Variants in UNC80 observed in about 807,000 individuals in gnomAD.
UNC80 encodes protein unc-80 homolog.
Under a neutral mutation model 384.6 loss-of-function variants are expected in UNC80, and 164 were observed. The ratio of observed to expected loss-of-function variants is 0.43; its 90% CI spans 0.38 to 0.49. The LOEUF (loss-of-function observed/expected upper bound fraction) is 0.49. UNC80 is among the 20% of genes least tolerant of loss of function. UNC80 has a pLI of 0.00. For missense variants in UNC80, 3,330 were observed against 4,143.0 expected (o/e 0.80, Z 5.39); for synonymous variants, 1,486 against 1,527.8 (o/e 0.97, Z 0.64).
Position 209,807,363 on chromosome 2 carries a change from CA to C in UNC80, c.939-6216del, listed in dbSNP as rs1363427258. Among the ~76,000 whole-genome samples the C allele has an allele frequency of 4.6e-3, 458 of 99,906 alleles. 2 individuals carry two copies. Among genetic ancestry groups the C allele is most frequent in the African/African-American group, 0.017 (437 of 26,378 alleles). The allele number at this position is 99,906 out of a possible 152,430, so 65.5% of individuals were successfully genotyped here. A position where few individuals can be genotyped will look rare whatever the true frequency, so the allele number is the denominator to read the frequency against. On this transcript the variant is annotated intron_variant, in intron 7 of 64. Coordinates refer to ENST00000673920, the MANE Select transcript of UNC80 (RefSeq NM_001371986.1). Reference sequence around the variant, plus strand: ...ATGATCTAAGAAGCTTCCCTCATGTCATTTTTTTTTTTTTTTTTTGAGACGG... The same window carrying C: ...ATGATCTAAGAAGCTTCCCTCATGTCTTTTTTTTTTTTTTTTTTGAGACGG...
chr2:209,930,860 C>A lies in UNC80; in HGVS notation c.5908-108C>A, dbSNP rs943938271. The A allele has an allele frequency of 5.2e-5, 35 of 675,516 alleles. No individual in the cohort carries two copies. In the East Asian group the frequency reaches 9.7e-4, roughly 19 times the overall value. 41.8% of individuals were successfully genotyped at this position (675,516 alleles called of 1,614,324 possible). A position where few individuals can be genotyped will look rare whatever the true frequency, so the allele number is the denominator to read the frequency against. ...AACATAATTGAAATCAATATGTGGG[C>A]AAAAGTAAAAAAAATCCCTCACCCA... On this transcript the variant is annotated intron_variant, in intron 37 of 64. Transcript: ENST00000673920.
intron 20 of UNC80, among the ~76,000 whole-genome samples, chr2:209,841,470 C>T (rs1366440274): frequency 6.6e-6 from 1 of 152,110 alleles, no homozygotes; most frequent in Non-Finnish European, 1.5e-5. Context: ...ATTCTCCTGC[C>T]TCAGCCTCCC....
chr2:209,861,032 C>A (rs1455859825), intron 22 of UNC80, among the ~76,000 whole-genome samples: 2 of 152,154 alleles, frequency 1.3e-5, no homozygotes, highest in Non-Finnish European at 2.9e-5. Flanking sequence ...TATTTTAATA[C>A]CCCTTATTTC....
rs1211810447 is a variant in UNC80 at position 209,939,343 on chromosome 2, T to A, written c.6466-129T>A. On this transcript the variant is annotated intron_variant, in intron 42 of 64. Coordinates refer to ENST00000673920, the MANE Select transcript of UNC80 (RefSeq NM_001371986.1). ...GATAAAAACACATGTCTCCCTCATT[T>A]CACTTTTTCCCCTTTTCCGACTTTA... The A allele has an allele frequency of 7.5e-6, 7 of 929,274 alleles. No homozygotes were observed. The East Asian group carries it at 1.9e-4, about 25-fold the overall frequency. The allele number at this position is 929,274 out of a possible 1,614,324, so 57.6% of individuals were successfully genotyped here.
chr2:209,931,932 C>T (rs1188896024), intron 38 of UNC80, among the ~76,000 whole-genome samples: 1 of 152,190 alleles, frequency 6.6e-6, no homozygotes, highest in Non-Finnish European at 1.5e-5. Flanking sequence ...TGCATAGTCT[C>T]TAGGAATTCT....
At position 209,777,544 on chromosome 2, in the gene UNC80, G is replaced by A. The variant is rs779023164; in HGVS notation, c.585G>A (p.Leu195=). The change falls in exon 4 of 65, where the codon CTG becomes CTA. Residue 195 remains leucine (L), a synonymous_variant. Transcript: ENST00000673920. ...TCTTCGTGTTTCTGTTTGCTCCCCTGGTACACAGGATCAAGGTAAGCAGAA... is the reference window on the plus strand; with the variant it reads ...TCTTCGTGTTTCTGTTTGCTCCCCTAGTACACAGGATCAAGGTAAGCAGAA... ...VELFVFLFAP[L]VHRIKESDLT... is the part of the protein sequence containing the mutation. 6 of 1,610,310 alleles carry A rather than the reference G, an allele frequency of 3.7e-6. No homozygotes were observed. The African/African-American group carries it at 4.0e-5, about 11-fold the overall frequency.
Position 209,813,570 on chromosome 2 carries a change from C to A in UNC80, c.939-10C>A. 6.5e-7 allele frequency: 1 copy of A among 1,547,052 alleles called. No homozygotes were observed. Among genetic ancestry groups the A allele is most frequent in the South Asian group, 1.2e-5 (1 of 83,892 alleles). ...GTCAGTATAATTATCTTCTTTCTGCCATGGAACAGGGCCTCTCTTGTGATA... is the reference window on the plus strand; with the variant it reads ...GTCAGTATAATTATCTTCTTTCTGCAATGGAACAGGGCCTCTCTTGTGATA... On this transcript the variant is annotated splice_polypyrimidine_tract_variant and intron_variant, in intron 7 of 64. Coordinates refer to ENST00000673920, the MANE Select transcript of UNC80 (RefSeq NM_001371986.1).
At chr2:209,931,985 G>T (rs191715720) in intron 38 of UNC80, among the ~76,000 whole-genome samples, 1 of 152,194 alleles carries the variant, frequency 6.6e-6, no homozygotes, top group Admixed American at 6.5e-5. Flanking sequence ...ATGTGGAGTT[G>T]GGAAGAAAAA....
chr2:209,812,998 T>A (rs2079475701), intron 7 of UNC80, among the ~76,000 whole-genome samples: 1 of 152,242 alleles, frequency 6.6e-6, no homozygotes, highest in African/African-American at 2.4e-5. Context: ...TTTATTTTCC[T>A]CATAGCAAAA....
intron 58 of UNC80, 86 bp downstream of exon 58, chr2:209,977,164 T>A (rs2093034874): frequency 2.3e-5 from 30 of 1,277,422 alleles, no homozygotes; most frequent in Non-Finnish European, 3.0e-5. Flanking sequence ...GTCACCACAC[T>A]TTTTGGAACT....
At chr2:209,782,924 C>A (rs1171814452) in intron 4 of UNC80, among the ~76,000 whole-genome samples, 5 of 148,056 alleles carry the variant, frequency 3.4e-5, no homozygotes, top group African/African-American at 2.5e-5. Flanking sequence ...TTTTTTTCAA[C>A]AAATTCTTAT....
intron 45 of UNC80, among the ~76,000 whole-genome samples, chr2:209,943,727 G>T (rs1204355982): frequency 6.6e-6 from 1 of 152,196 alleles, no homozygotes; most frequent in Non-Finnish European, 1.5e-5. Context: ...TGGGGAAGCT[G>T]CAGGTGAACT....
In UNC80 at chr2:209,872,828, G is replaced by A; in HGVS notation, c.3698G>A (p.Gly1233Asp). The A allele has an allele frequency of 6.4e-7, 1 of 1,551,462 alleles. No homozygotes were observed. The stretch of plus-strand genomic sequence containing the variant: ...CGTTTTGTTCACCGCTGCAACCGTG[G>A]CAACTGGCCAGAGTGGATGAAAGGG... Reference protein sequence around the residue: ...CARFVHRCNRGNWPEWMKGHH... With the variant: ...CARFVHRCNRDNWPEWMKGHH... Residue 1233 changes from glycine to aspartate, a missense_variant, in exon 23 of 65, where the codon GGC becomes GAC. This residue lies in a region of UNC80 where 801 missense variants were observed against 950.8 expected (regional missense o/e 0.84). Transcript: ENST00000673920. This position sits in a 1 kb window ranked among gnomAD's most constrained non-coding sequence, Gnocchi z 4.1.
chr2:209,773,679 C>T (rs936709583), intron 2 of UNC80, among the ~76,000 whole-genome samples: 1 of 152,124 alleles, frequency 6.6e-6, no homozygotes, highest in Admixed American at 6.6e-5. Flanking sequence ...GTTTTTGCCA[C>T]CTGCAAGTGT....
At chr2:209,813,398 A>T (rs1042575125) in intron 7 of UNC80, among the ~76,000 whole-genome samples, 182 bp from the exon 8 acceptor site, 1 of 152,176 alleles carries the variant, frequency 6.6e-6, no homozygotes, top group African/African-American at 2.4e-5. Flanking sequence ...CTCTACTTTC[A>T]GGAGATGTTT....
chr2:209,921,764 T>G, intron 34 of UNC80, 78 bp downstream of exon 34: 1 of 1,413,494 alleles, frequency 7.1e-7, no homozygotes, highest in South Asian at 1.5e-5. Flanking sequence ...ATTGACAATT[T>G]TATGTGACAT....
chr2:209,887,286 G>C (rs1369545569), intron 25 of UNC80, among the ~76,000 whole-genome samples: 2 of 152,142 alleles, frequency 1.3e-5, no homozygotes, highest in South Asian at 4.2e-4. Flanking sequence ...TGTTCTGCCC[G>C]CCTCAGCCTC....
intron 7 of UNC80, among the ~76,000 whole-genome samples, chr2:209,804,764 T>G (rs2887863): frequency 1.9e-5 from 1 of 52,460 alleles, no homozygotes; most frequent in Non-Finnish European, 4.1e-5. Context: ...TTTTTTTTTG[T>G]TTTGTTTTGT....
At position 209,958,125 on chromosome 2, in the gene UNC80, A is replaced by G. The variant is rs2092473331; in HGVS notation, c.7550+389A>G. Among the ~76,000 whole-genome samples the G allele has an allele frequency of 2.6e-5, 4 of 152,182 alleles. No individual in the cohort carries two copies. The South Asian group carries it at 8.3e-4, about 31-fold the overall frequency. On this transcript the variant is annotated intron_variant, in intron 49 of 64. Coordinates refer to ENST00000673920, the MANE Select transcript of UNC80 (RefSeq NM_001371986.1). ...AGAGTCAACTTACTTTCATCTGGAC[A>G]GATTTTCTGCAGACATTTCATCCAA...
Sources: gnomAD v4.1 joint callset for allele counts (sites outside exome capture counted in the v4.1 genomes callset) on GRCh38, gnomAD v4.1.1 for gene constraint, gnomAD v4.1.1 regional missense constraint, Gnocchi (gnomAD v3.1) non-coding constraint, MANE v1.5 for transcripts, NCBI Gene and HGNC (gene_info 2026-07-23, HGNC 2026-07-21) for gene names.